The following ZNF207 variants were observed in gnomAD, a reference collection of about 807,000 sequenced individuals.
ZNF207 encodes BUB3-interacting and GLEBS motif-containing protein ZNF207.
ZNF207 carries 24 observed loss-of-function variants against 60.2 expected under a neutral mutation model. The ratio of observed to expected loss-of-function variants is 0.40; its 90% CI spans 0.29 to 0.56. ZNF207 has a LOEUF of 0.56. Ranked by LOEUF, ZNF207 falls within the 20% of genes least tolerant of loss-of-function variation. The probability of loss-of-function intolerance (pLI) is 0.49; values close to 1 mark genes in which losing one functional copy is unlikely to be tolerated. For synonymous variants in ZNF207, 236 were observed against 194.7 expected (o/e 1.21, Z -1.77); for missense variants, 452 against 636.6 (o/e 0.71, Z 3.12).
At position 32,372,273 on chromosome 17, in the gene ZNF207, C is replaced by T. The variant is rs1567829842; in HGVS notation, c.*2514C>T. 6.6e-6 allele frequency: 1 copy of T among 151,840 alleles called. No homozygotes were observed. The highest frequency in any genetic ancestry group is 2.4e-5 in the African/African-American group (1 of 41,294). 9.4% of individuals were successfully genotyped at this position (151,840 alleles called of 1,614,324 possible). On this transcript the variant is annotated 3_prime_UTR_variant, in exon 12 of 12. Coordinates refer to ENST00000394670, the MANE Select transcript of ZNF207 (RefSeq NM_001098507.2). ...GGAGATCACACCACTGCACTCTAGC[C>T]TGGACGACAGATTGAGACTCCGTCT... is the stretch of plus-strand genomic sequence containing the variant.
Position 32,367,848 on chromosome 17 carries a change from C to A in ZNF207, c.998C>A (p.Pro333His), listed in dbSNP as rs779202826. 6.2e-7 allele frequency: 1 copy of A among 1,613,950 alleles called. No homozygotes were observed. Among genetic ancestry groups the A allele is most frequent in the African/African-American group, 1.3e-5 (1 of 74,890 alleles). Reference protein sequence around the residue: ...LNSTPATTTEPPKPTFPAYTQ... With the variant: ...LNSTPATTTEHPKPTFPAYTQ... The stretch of plus-strand genomic sequence containing the variant: ...AGTACCCCTGCAACAACTACAGAAC[C>A]CCCAAAGCCTACATTCCCTGCTTAT... The change falls in exon 10 of 12, where the codon CCC becomes CAC. Residue 333 changes from proline to histidine, a missense_variant. Transcript: ENST00000394670.
chr17:32,361,246 C>G (rs1904865612), intron 5 of ZNF207: 1 of 558,726 alleles, frequency 1.8e-6, no homozygotes, highest in Non-Finnish European at 3.1e-6. Flanking sequence ...ATTTGCGTTT[C>G]TGAGATTCAG....
chr17:32,364,609 C>T (rs779993206), intron 7 of ZNF207, among the ~76,000 whole-genome samples: 10 of 151,984 alleles, frequency 6.6e-5, no homozygotes, highest in South Asian at 2.1e-4. Context: ...CCATCTGCCT[C>T]GGCCTCCCAA....
At chr17:32,354,812 C>T (rs912748072) in intron 2 of ZNF207, among the ~76,000 whole-genome samples, 9 of 152,012 alleles carry the variant, frequency 5.9e-5, no homozygotes, top group Admixed American at 6.6e-5. Flanking sequence ...GATGGGGTTT[C>T]ACCATCTTGG....
rs1042448852 is a variant in ZNF207, at chr17:32,352,034, C to T, written c.168+122C>T. 3.2e-5 allele frequency: 29 copies of T among 902,040 alleles called. No individual in the cohort carries two copies. The African/African-American group carries it at 3.4e-4, about 11-fold the overall frequency. 55.9% of individuals were successfully genotyped at this position (902,040 alleles called of 1,614,324 possible). On this transcript the variant is annotated intron_variant, in intron 2 of 11. Coordinates refer to ENST00000394670, the MANE Select transcript of ZNF207 (RefSeq NM_001098507.2). ...CCAAGCTGGAGTGCAGTGGTGCAAT[C>T]TCGGCCCACTGCAACCTCTGCCTCT...
chr17:32,375,755 T>C lies in ZNF207; in HGVS notation c.*5996T>C, dbSNP rs1191165464. On this transcript the variant is annotated 3_prime_UTR_variant, in exon 12 of 12. Transcript: ENST00000394670. ...TAAAAGGTTGTCATTATTGACCTAA[T>C]ATTGAGTAATCTTTCTGCGTTATTC... is the stretch of plus-strand genomic sequence containing the variant. The C allele has an allele frequency of 6.6e-6, 1 of 152,168 alleles. No homozygotes were observed. The highest frequency in any genetic ancestry group is 1.5e-5 in the Non-Finnish European group (1 of 67,972). The allele number at this position is 152,168 out of a possible 1,614,324, so 9.4% of individuals were successfully genotyped here.
intron 7 of ZNF207, among the ~76,000 whole-genome samples, chr17:32,363,311 C>T (rs1904989551): frequency 6.6e-6 from 1 of 151,854 alleles, no homozygotes; most frequent in South Asian, 2.1e-4. Context: ...TGGTCTTGAA[C>T]TTCTGACCTC....
Position 32,368,212 on chromosome 17 carries a change from G to T in ZNF207, c.1164+198G>T. On this transcript the variant is annotated intron_variant, in intron 10 of 11. Transcript: ENST00000394670. ...ACAGATATTGCATGTTTTGGTCTTAGATGGTTTCTCTCCCCTTCCTCCAGA... is the reference window on the plus strand; with the variant it reads ...ACAGATATTGCATGTTTTGGTCTTATATGGTTTCTCTCCCCTTCCTCCAGA... 6.7e-6 allele frequency: 5 copies of T among 745,236 alleles called. 1 individual carries two copies. Among genetic ancestry groups the T allele is most frequent in the Middle Eastern group, 7.9e-4 (2 of 2,538 alleles). The allele number at this position is 745,236 out of a possible 1,614,324, so 46.2% of individuals were successfully genotyped here.
intron 2 of ZNF207, among the ~76,000 whole-genome samples, chr17:32,353,697 G>A (rs1904326789): frequency 6.7e-6 from 1 of 149,630 alleles, no homozygotes; most frequent in South Asian, 2.1e-4. Context: ...CTGGGGGCGG[G>A]GGGCGCGAGG....
chr17:32,356,304 G>C (rs1904502466), intron 2 of ZNF207, among the ~76,000 whole-genome samples: 1 of 152,132 alleles, frequency 6.6e-6, no homozygotes, highest in Non-Finnish European at 1.5e-5. Flanking sequence ...GTGAAGATTA[G>C]TGTGTATGTG....
chr17:32,369,243 T>C, intron 10 of ZNF207, 52 bp from the exon 11 acceptor site: 1 of 1,588,780 alleles, frequency 6.3e-7, no homozygotes, highest in African/African-American at 1.3e-5. Context: ...CCTTTATGCT[T>C]GGTGAGCCTC....
intron 2 of ZNF207, among the ~76,000 whole-genome samples, chr17:32,356,949 A>T (rs557684122): frequency 6.6e-6 from 1 of 152,310 alleles, no homozygotes; most frequent in South Asian, 2.1e-4. Context: ...TAGGACACTG[A>T]GGTGGGTGGA....
chr17:32,369,239 T>C, intron 10 of ZNF207, 56 bp from the exon 11 acceptor site: 1 of 1,583,592 alleles, frequency 6.3e-7, no homozygotes, highest in Non-Finnish European at 8.6e-7. Context: ...CATGCCTTTA[T>C]GCTTGGTGAG....
At position 32,381,582 on chromosome 17, in the gene ZNF207, C is replaced by A. The variant is rs1317201097; in HGVS notation, c.*11823C>A. ...GTTCAGAGAGAGATCTGAGATGTTCCTTAACATGTAGCCATGTAATTAGAA... is the reference window on the plus strand; with the variant it reads ...GTTCAGAGAGAGATCTGAGATGTTCATTAACATGTAGCCATGTAATTAGAA... On this transcript the variant is annotated 3_prime_UTR_variant, in exon 12 of 12. Transcript: ENST00000394670. The A allele has an allele frequency of 6.6e-6, 1 of 152,104 alleles. No homozygotes were observed. Among genetic ancestry groups the A allele is most frequent in the African/African-American group, 2.4e-5 (1 of 41,408 alleles). 9.4% of individuals were successfully genotyped at this position (152,104 alleles called of 1,614,324 possible). A position where few individuals can be genotyped will look rare whatever the true frequency, so the allele number is the denominator to read the frequency against.
intron 2 of ZNF207, among the ~76,000 whole-genome samples, chr17:32,353,260 T>A (rs917936373): frequency 6.6e-6 from 1 of 152,170 alleles, no homozygotes; most frequent in Non-Finnish European, 1.5e-5. Context: ...TTTTTTAAGA[T>A]CTAGTAAGTA....
chr17:32,357,342 A>ATTTTTTTTTT (rs1364261997), intron 2 of ZNF207, among the ~76,000 whole-genome samples: 1 of 64,462 alleles, frequency 1.6e-5, no homozygotes, highest in African/African-American at 8.8e-5. Context: ...TATTATTATT[A>ATTTTTTTTTT]TTATTATTAT....
At chr17:32,360,180 C>CG (rs935180929) in intron 3 of ZNF207, among the ~76,000 whole-genome samples, 1 of 107,602 alleles carries the variant, frequency 9.3e-6, no homozygotes, top group African/African-American at 3.5e-5. Context: ...ACCTTTACCC[C>CG]CCCCCCAAAA....
chr17:32,361,402 A>G, intron 5 of ZNF207, 66 bp from the exon 6 acceptor site: 10 of 1,428,706 alleles, frequency 7.0e-6, no homozygotes, highest in Non-Finnish European at 9.7e-6. Flanking sequence ...AGAGGTATAC[A>G]ATACACTTTC....
Position 32,374,617 on chromosome 17 carries a change from T to G in ZNF207, c.*4858T>G, listed in dbSNP as rs1045797534. On this transcript the variant is annotated 3_prime_UTR_variant, in exon 12 of 12. Transcript: ENST00000394670. ...AAAATATTTTCAAGCCTCACCACAT[T>G]AGAGCAAATGTTAATGTAGAGCCCT... 1.8e-4 allele frequency: 28 copies of G among 152,212 alleles called. No homozygotes were observed. Among genetic ancestry groups the G allele is most frequent in the African/African-American group, 6.8e-4 (28 of 41,468 alleles). 9.4% of individuals were successfully genotyped at this position (152,212 alleles called of 1,614,324 possible). A position where few individuals can be genotyped will look rare whatever the true frequency, so the allele number is the denominator to read the frequency against.
Sources: allele counts gnomAD v4.1 joint callset (sites outside exome capture counted in the v4.1 genomes callset), GRCh38; gene constraint gnomAD v4.1.1; transcripts MANE v1.5; gene names NCBI Gene and HGNC (gene_info 2026-07-23, HGNC 2026-07-21).